Variants in KCNC2 observed in about 807,000 individuals in gnomAD.
KCNC2 encodes potassium voltage-gated channel subfamily C member 2.
In KCNC2, 21 loss-of-function variants were observed where a neutral mutation model predicts 44.5. The ratio of observed to expected loss-of-function variants is 0.47; its 90% CI spans 0.33 to 0.68. The LOEUF (loss-of-function observed/expected upper bound fraction) is 0.68, where lower values mean the gene tolerates loss of function less well. Among genes scored for constraint, KCNC2 ranks in the 30% least tolerant of loss-of-function variants. KCNC2 has a pLI of 0.01. For missense variants in KCNC2, 589 were observed against 826.2 expected (o/e 0.71, Z 3.52); for synonymous variants, 391 against 339.1 (o/e 1.15, Z -1.68).
At chr12:75,203,412 T>G (rs1490246853) in intron 2 of KCNC2, among the ~76,000 whole-genome samples, 1 of 151,812 alleles carries the variant, frequency 6.6e-6, no homozygotes, top group Non-Finnish European at 1.5e-5. Context: ...AATATGAATA[T>G]TTTCAAGATT....
intron 2 of KCNC2, among the ~76,000 whole-genome samples, chr12:75,057,864 A>ATG (rs1881912708): frequency 6.6e-6 from 1 of 151,780 alleles, no homozygotes; most frequent in Non-Finnish European, 1.5e-5. Context: ...ATCTTCTACC[A>ATG]TGTTTTCTTT....
chr12:75,207,797 G>T lies in KCNC2; in HGVS notation c.187C>A (p.Pro63Thr), dbSNP rs2031825154. 3.1e-6 allele frequency: 5 copies of T among 1,597,482 alleles called. No individual in the cohort carries two copies. In the East Asian group the frequency reaches 1.1e-4, roughly 37 times the overall value. Residue 63 changes from proline to threonine, a missense_variant, in exon 2 of 5, where the codon CCG becomes ACG. Pro to Thr is a conservative substitution (Grantham distance 38). Transcript: ENST00000549446. The surrounding 1 kb of genome is among the most constrained non-coding windows in gnomAD (Gnocchi z 4.1). ...KLQPSPPPLSPPPRAPPLSPG... is the reference protein window; with the variant it reads ...KLQPSPPPLSTPPRAPPLSPG... Reference sequence around the variant, plus strand: ...GACAGCGGGGGCGCTCTCGGCGGCGGCGACAGTGGAGGCGGCGACGGCTGC... The same window carrying T: ...GACAGCGGGGGCGCTCTCGGCGGCGTCGACAGTGGAGGCGGCGACGGCTGC...
rs553994666 is a variant in KCNC2, at chr12:75,053,757, T to A, written c.688-2440A>T. On this transcript the variant is annotated intron_variant, in intron 2 of 4. Coordinates refer to ENST00000549446, the MANE Select transcript of KCNC2 (RefSeq NM_139137.4). ...ATATTTTGCTATAATATATATTACA[T>A]AATTTATATAATTAAATAATTATTT... Among the ~76,000 whole-genome samples, 4 of 147,580 alleles carry A rather than the reference T, an allele frequency of 2.7e-5. No homozygotes were observed. In the South Asian group the frequency reaches 8.4e-4, roughly 31 times the overall value.
intron 2 of KCNC2, among the ~76,000 whole-genome samples, chr12:75,188,543 T>C (rs879903017): frequency 1.3e-5 from 2 of 152,100 alleles, no homozygotes; most frequent in Non-Finnish European, 1.5e-5. Flanking sequence ...GGTATCATAC[T>C]TTATCTGGCA....
chr12:75,147,741 C>G (rs1890124249), intron 2 of KCNC2, among the ~76,000 whole-genome samples: 1 of 152,034 alleles, frequency 6.6e-6, no homozygotes, highest in Non-Finnish European at 1.5e-5. Context: ...TGGATAGATC[C>G]TAGGGCTTCT....
rs535187930 is a variant in KCNC2, at chr12:75,191,639, T to C, written c.687+15658A>G. ...AATCTCGGCTCACTGCAAGCTCCGC[T>C]TCCCGGGTTCACGCCATTCTCCTGC... On this transcript the variant is annotated intron_variant, in intron 2 of 4. Coordinates refer to ENST00000549446, the MANE Select transcript of KCNC2 (RefSeq NM_139137.4). Among the ~76,000 whole-genome samples, 10 of 144,208 alleles carry C rather than the reference T, an allele frequency of 6.9e-5. No individual in the cohort carries two copies. The South Asian group carries it at 7.0e-4, about 10-fold the overall frequency. The allele number at this position is 144,208 out of a possible 152,430, so 94.6% of individuals were successfully genotyped here.
chr12:75,070,355 G>A (rs1023192671), intron 2 of KCNC2, among the ~76,000 whole-genome samples: 7 of 149,452 alleles, frequency 4.7e-5, no homozygotes, highest in African/African-American at 1.8e-4. Flanking sequence ...GGAGGCTGAG[G>A]CAGGAGAATC....
chr12:75,151,269 A>G (rs1890374272), intron 2 of KCNC2, among the ~76,000 whole-genome samples: 1 of 151,972 alleles, frequency 6.6e-6, no homozygotes. Flanking sequence ...GTGAAGAGAA[A>G]AATAAAGTGC....
chr12:75,124,254 G>T (rs552375803), intron 2 of KCNC2: 2 of 152,260 alleles, frequency 1.3e-5, no homozygotes, highest in East Asian at 3.9e-4. Flanking sequence ...TACACTGTAT[G>T]TTTTTTAAAG....
intron 2 of KCNC2, among the ~76,000 whole-genome samples, chr12:75,166,697 C>A (rs192729386): frequency 2.4e-4 from 36 of 151,170 alleles, no homozygotes; most frequent in Non-Finnish European, 5.9e-5. Flanking sequence ...TTAAACAACA[C>A]ATTCCTAAGT....
intron 2 of KCNC2, among the ~76,000 whole-genome samples, chr12:75,145,581 C>A (rs1336651966): frequency 1.3e-5 from 2 of 151,740 alleles, no homozygotes; most frequent in South Asian, 2.1e-4. Context: ...TCAACCATTC[C>A]TTGATCATCA....
chr12:75,088,034 T>C (rs1885169091), intron 2 of KCNC2, among the ~76,000 whole-genome samples: 1 of 152,064 alleles, frequency 6.6e-6, no homozygotes, highest in African/African-American at 2.4e-5. Flanking sequence ...ATAGACTTTT[T>C]GTCTGACAGA....
At chr12:75,055,235 G>T (rs1047734760) in intron 2 of KCNC2, among the ~76,000 whole-genome samples, 4 of 151,988 alleles carry the variant, frequency 2.6e-5, no homozygotes, top group African/African-American at 9.7e-5. Flanking sequence ...ATGAGGAAAT[G>T]AATAAGATAG....
chr12:75,076,354 GC>G (rs1565833101), intron 2 of KCNC2, among the ~76,000 whole-genome samples: 1 of 17,432 alleles, frequency 5.7e-5, no homozygotes, highest in African/African-American at 6.3e-5. Flanking sequence ...CTCACTGCAA[GC>G]TCCGCCTCGC....
intron 2 of KCNC2, among the ~76,000 whole-genome samples, chr12:75,150,050 G>C (rs1000785725): frequency 2.0e-5 from 3 of 151,724 alleles, no homozygotes; most frequent in Non-Finnish European, 2.9e-5. Context: ...GAAGTCATTT[G>C]ATTATACAAC....
intron 2 of KCNC2, among the ~76,000 whole-genome samples, chr12:75,155,537 T>G (rs1000490392): frequency 6.6e-6 from 1 of 151,734 alleles, no homozygotes; most frequent in Non-Finnish European, 1.5e-5. Flanking sequence ...AATCAGTTTG[T>G]GAATCAAGAG....
At chr12:75,151,779 A>T (rs1890411413) in intron 2 of KCNC2, among the ~76,000 whole-genome samples, 1 of 151,406 alleles carries the variant, frequency 6.6e-6, no homozygotes, top group Non-Finnish European at 1.5e-5. Context: ...ATAGAAATTT[A>T]AAAATACAAT....
intron 2 of KCNC2, among the ~76,000 whole-genome samples, chr12:75,093,642 G>A (rs944602263): frequency 4.0e-5 from 6 of 151,596 alleles, no homozygotes; most frequent in Non-Finnish European, 7.4e-5. Context: ...TTAATTTACA[G>A]TTGGGCCTTC....
chr12:75,059,185 G>A (rs1479693634), intron 2 of KCNC2, among the ~76,000 whole-genome samples: 1 of 152,094 alleles, frequency 6.6e-6, no homozygotes, highest in Non-Finnish European at 1.5e-5. Context: ...ATAAGAGATT[G>A]ATTGATTGGC....
Sources: allele counts gnomAD v4.1 joint callset (sites outside exome capture counted in the v4.1 genomes callset), GRCh38; gene constraint gnomAD v4.1.1; non-coding constraint Gnocchi (gnomAD v3.1); transcripts MANE v1.5; gene names NCBI Gene and HGNC (gene_info 2026-07-23, HGNC 2026-07-21).